PID1: variants seen among roughly 807,000 people sequenced by gnomAD.
PID1 encodes the protein phosphotyrosine interaction domain containing 1.
A neutral mutation model predicts 19.1 loss-of-function variants in PID1; 10 were observed. The observed-to-expected ratio is 0.52, with a 90% CI of 0.32 to 0.89. The LOEUF is 0.89. PID1 is among the 40% of genes least tolerant of loss of function. The pLI, the probability that PID1 is intolerant of heterozygous loss-of-function variation, is 0.03. For missense variants in PID1, 248 were observed against 285.3 expected (o/e 0.87, Z 0.94); for synonymous variants, 130 against 116.0 (o/e 1.12, Z -0.78).
At chr2:229,043,598 A>G (rs1304711890) in intron 2 of PID1, among the ~76,000 whole-genome samples, 1 of 152,230 alleles carries the variant, frequency 6.6e-6, no homozygotes, top group Non-Finnish European at 1.5e-5. Flanking sequence ...AAAGTTTCAA[A>G]TCATGATGGA....
rs1295650044 is a variant in PID1 at position 229,024,698 on chromosome 2, A to G, written c.*934T>C. 1.3e-5 allele frequency: 2 copies of G among 152,664 alleles called. No individual in the cohort carries two copies. Among genetic ancestry groups the G allele is most frequent in the African/African-American group, 4.8e-5 (2 of 41,468 alleles). The allele number at this position is 152,664 out of a possible 1,614,324, so 9.5% of individuals were successfully genotyped here. The stretch of plus-strand genomic sequence containing the variant: ...TGCATCAGACAGGACCATTAATTAA[A>G]TAAGTTACCATAAATCTCAGCTGGA... On this transcript the variant is annotated 3_prime_UTR_variant, in exon 3 of 3. Transcript: ENST00000392055.
chr2:229,240,043 C>G (rs914422470), intron 1 of PID1, among the ~76,000 whole-genome samples: 1 of 152,070 alleles, frequency 6.6e-6, no homozygotes, highest in African/African-American at 2.4e-5. Context: ...AAGTATGTCA[C>G]CTGGCAACAG....
intron 1 of PID1, among the ~76,000 whole-genome samples, chr2:229,250,996 G>A (rs759613114): frequency 2.0e-5 from 3 of 152,142 alleles, no homozygotes; most frequent in Non-Finnish European, 4.4e-5. Flanking sequence ...AAATTAACAC[G>A]AGGAGAAGCA....
chr2:229,246,091 C>T (rs1051115523), intron 1 of PID1, among the ~76,000 whole-genome samples: 22 of 152,114 alleles, frequency 1.4e-4, no homozygotes, highest in South Asian at 4.1e-4. Context: ...TAATAGCAAT[C>T]GCTGATTCCT....
intron 1 of PID1, among the ~76,000 whole-genome samples, chr2:229,265,584 C>T (rs1690575438): frequency 6.6e-6 from 1 of 152,184 alleles, no homozygotes; most frequent in Non-Finnish European, 1.5e-5. Context: ...TTTCTTCTTG[C>T]TCTACTTATA....
At chr2:229,187,262 T>G (rs1205850332) in intron 1 of PID1, among the ~76,000 whole-genome samples, 1 of 152,232 alleles carries the variant, frequency 6.6e-6, no homozygotes, top group African/African-American at 2.4e-5. Context: ...CTTCCTCATT[T>G]TTGGGTATCT....
At position 229,133,779 on chromosome 2, in the gene PID1, T is replaced by C. The variant is rs538366527; in HGVS notation, c.177+22039A>G. Among the ~76,000 whole-genome samples the C allele has an allele frequency of 1.1e-3, 162 of 152,304 alleles. 1 individual carries two copies. Among genetic ancestry groups the C allele is most frequent in the Admixed American group, 2.4e-3 (37 of 15,296 alleles). On this transcript the variant is annotated intron_variant, in intron 2 of 2. Transcript: ENST00000392055. ...TTTGAGCTGGACAATTCTTTTTTTT[T>C]TCTTTTTTTAATTATTATTATACTT...
intron 2 of PID1, among the ~76,000 whole-genome samples, chr2:229,052,172 G>A (rs767644090): frequency 2.0e-5 from 3 of 152,102 alleles, no homozygotes; most frequent in South Asian, 2.1e-4. Flanking sequence ...TTCAATGACA[G>A]GAATAAACAT....
intron 1 of PID1, among the ~76,000 whole-genome samples, chr2:229,192,059 A>C (rs1691271842): frequency 6.6e-6 from 1 of 152,164 alleles, no homozygotes; most frequent in Non-Finnish European, 1.5e-5. Context: ...ATAAGTATAA[A>C]GGGAAAGAAA....
intron 2 of PID1, among the ~76,000 whole-genome samples, chr2:229,053,143 T>C (rs1026962354): frequency 6.6e-6 from 1 of 152,192 alleles, no homozygotes; most frequent in Admixed American, 6.5e-5. Context: ...ATGTGAGGCA[T>C]ATAAATGTAT....
At chr2:229,211,865 A>G (rs995087560) in intron 1 of PID1, among the ~76,000 whole-genome samples, 8 of 152,242 alleles carry the variant, frequency 5.3e-5, no homozygotes, top group African/African-American at 1.9e-4. Context: ...CGCAAATTCC[A>G]ATTAATCAGA....
chr2:229,234,157 A>G lies in PID1; in HGVS notation c.30+36857T>C, dbSNP rs1176433172. ...TGAAAAATGAAGAGGAATTAGAGAC[A>G]TTGAGCCAAAACAGAGAAGACAAAT... is the stretch of plus-strand genomic sequence containing the variant. On this transcript the variant is annotated intron_variant, in intron 1 of 2. Transcript: ENST00000392055. 6.6e-5 allele frequency among the ~76,000 whole-genome samples: 10 copies of G among 152,336 alleles called. No individual in the cohort carries two copies. In the South Asian group the frequency reaches 2.1e-3, roughly 32 times the overall value.
chr2:229,099,080 C>A (rs773112466), intron 2 of PID1, among the ~76,000 whole-genome samples: 1 of 152,096 alleles, frequency 6.6e-6, no homozygotes. Flanking sequence ...TTACAAGAAC[C>A]AGAACTCTTT....
At position 229,174,652 on chromosome 2, in the gene PID1, T is replaced by C. The variant is rs143909594; in HGVS notation, c.31-18688A>G. Among the ~76,000 whole-genome samples, 922 of 149,826 alleles carry C rather than the reference T, an allele frequency of 6.2e-3. 10 individuals are homozygous for C. The highest frequency in any genetic ancestry group is 0.022 in the African/African-American group (887 of 40,902). On this transcript the variant is annotated intron_variant, in intron 1 of 2. Coordinates refer to ENST00000392055, the MANE Select transcript of PID1 (RefSeq NM_001100818.2). ...ATATACTGTGTACCTATTTATGCTG[T>C]ATGGTACAGAGATTTTTTTTGCCCC...
intron 2 of PID1, among the ~76,000 whole-genome samples, chr2:229,143,293 A>C (rs1368692678): frequency 2.0e-5 from 3 of 151,522 alleles, no homozygotes; most frequent in Admixed American, 1.3e-4. Flanking sequence ...ACATGTATAC[A>C]TATGTAACTA....
intron 2 of PID1, among the ~76,000 whole-genome samples, chr2:229,145,575 A>C (rs1284286400): frequency 6.6e-6 from 1 of 152,158 alleles, no homozygotes. Flanking sequence ...GGAAATCATA[A>C]GGGGAAAATA....
chr2:229,175,779 A>C (rs1453687807), intron 1 of PID1, among the ~76,000 whole-genome samples: 1 of 152,242 alleles, frequency 6.6e-6, no homozygotes, highest in Non-Finnish European at 1.5e-5. Context: ...CTGGTTTTAA[A>C]CAAACTCTCT....
chr2:229,037,319 A>T (rs988261147), intron 2 of PID1, among the ~76,000 whole-genome samples: 9 of 152,180 alleles, frequency 5.9e-5, no homozygotes, highest in African/African-American at 1.9e-4. Flanking sequence ...AGGAATAACT[A>T]AGTACTATTT....
At chr2:229,053,039 A>G (rs1407841376) in intron 2 of PID1, among the ~76,000 whole-genome samples, 1 of 152,214 alleles carries the variant, frequency 6.6e-6, no homozygotes, top group Admixed American at 6.5e-5. Context: ...GTTGTAATTT[A>G]CAGCAACAAA....
Sources: allele counts gnomAD v4.1 joint callset (sites outside exome capture counted in the v4.1 genomes callset), GRCh38; gene constraint gnomAD v4.1.1; transcripts MANE v1.5; gene names NCBI Gene and HGNC (gene_info 2026-07-23, HGNC 2026-07-21).